Variants in ISLR2 observed in about 807,000 individuals in gnomAD.
The protein encoded by ISLR2 is immunoglobulin superfamily containing leucine-rich repeat protein 2.
Under a neutral mutation model 25.5 loss-of-function variants are expected in ISLR2, and 16 were observed. The ratio of observed to expected loss-of-function variants is 0.63; its 90% confidence interval spans 0.43 to 0.95. The LOEUF is 0.95. Among genes scored for constraint, ISLR2 ranks in the 40% least tolerant of loss-of-function variants. ISLR2 has a pLI of 0.00. For missense variants in ISLR2, 883 were observed against 1,030.7 expected (o/e 0.86, Z 1.96); for synonymous variants, 508 against 486.6 (o/e 1.04, Z -0.58).
rs751295571 is a variant in ISLR2, at chr15:74,132,967, C to T, written c.213C>T (p.Phe71=). ...TCACTGTGCTGCGGCGCGGGGCCTT[C>T]GCCGACGTCACACAGGTCACGTCGC... is the stretch of plus-strand genomic sequence containing the variant. ...NKITVLRRGA[F]ADVTQVTSLW... Residue 71 remains phenylalanine, a synonymous_variant, in exon 3 of 3, where the codon TTC becomes TTT. Coordinates refer to ENST00000453268, the MANE Select transcript of ISLR2 (RefSeq NM_020851.3). The surrounding 1 kb of genome is among the most constrained non-coding windows in gnomAD (Gnocchi z 4.3). 2 of 1,614,008 alleles carry T rather than the reference C, an allele frequency of 1.2e-6. No homozygotes were observed. The highest frequency in any genetic ancestry group is 1.1e-5 in the South Asian group (1 of 91,086).
At chr15:74,122,244 C>T (rs2072258669) in intron 2 of ISLR2, among the ~76,000 whole-genome samples, 1 of 152,240 alleles carries the variant, frequency 6.6e-6, no homozygotes, top group Admixed American at 6.5e-5. Flanking sequence ...TAGAGGACCT[C>T]CAGGCCCCAA....
At chr15:74,125,844 T>C (rs1293737205), upstream of ISLR2, 4 of 152,242 alleles carry the variant, frequency 2.6e-5, no homozygotes, top group Admixed American at 6.5e-5. Flanking sequence ...ATCAACAGTC[T>C]TCTCATAGGC....
chr15:74,118,614 A>T (rs1274887422), intron 2 of ISLR2, among the ~76,000 whole-genome samples: 1 of 151,604 alleles, frequency 6.6e-6, no homozygotes, highest in Non-Finnish European at 1.5e-5. Context: ...CAAAAAGAAA[A>T]ATAAGCAAAT....
chr15:74,124,272 G>A (rs887389109), upstream of ISLR2, among the ~76,000 whole-genome samples: 1 of 151,874 alleles, frequency 6.6e-6, no homozygotes, highest in Non-Finnish European at 1.5e-5. Context: ...CTTGCTTGTA[G>A]TGAGCCTTGG....
chr15:74,128,545 A>T (rs1245795125), upstream of ISLR2: 1 of 456,492 alleles, frequency 2.2e-6, no homozygotes, highest in Non-Finnish European at 4.4e-6. Flanking sequence ...GGTTGCTTAT[A>T]GGACGGGTTC....
Position 74,134,315 on chromosome 15 carries a change from C to G in ISLR2, c.1561C>G (p.Arg521Gly). ...GCCCGGCGGGGCTGGCGGAGCCCCG[C>G]GACCCGGGCGGCGACCCCTGCGCCT... ...PGPGGAGGAP[R>G]PGRRPLRLLY... Residue 521 changes from arginine to glycine, a missense_variant, in exon 3 of 3, where the codon CGA (arginine) becomes GGA (glycine). Transcript: ENST00000453268. 1 of 1,529,748 alleles carries G rather than the reference C, an allele frequency of 6.5e-7. No homozygotes were observed. Among genetic ancestry groups the G allele is most frequent in the South Asian group, 1.2e-5 (1 of 81,572 alleles). 94.8% of individuals were successfully genotyped at this position (1,529,748 alleles called of 1,614,324 possible). A position where few individuals can be genotyped will look rare whatever the true frequency, so the allele number is the denominator to read the frequency against.
chr15:74,116,326 G>A (rs1485474164), intron 2 of ISLR2, among the ~76,000 whole-genome samples: 1 of 151,846 alleles, frequency 6.6e-6, no homozygotes, highest in African/African-American at 2.4e-5. Flanking sequence ...CACTTTGGGA[G>A]GCCAAGGCAG....
chr15:74,121,819 C>G (rs2072254240), intron 2 of ISLR2, among the ~76,000 whole-genome samples: 1 of 152,210 alleles, frequency 6.6e-6, no homozygotes, highest in South Asian at 2.1e-4. Context: ...TCTCCTCCCT[C>G]CAGATCTCTG....
intron 2 of ISLR2, among the ~76,000 whole-genome samples, chr15:74,115,925 C>T (rs145707392): frequency 2.7e-5 from 4 of 149,392 alleles, no homozygotes; most frequent in Admixed American, 1.3e-4. Context: ...AGGCTGGGTG[C>T]GGTGGCTCAC....
rs2072559833 is a variant in ISLR2 at position 74,136,037 on chromosome 15, C to G, written c.*1045C>G. Reference sequence around the variant, plus strand: ...GACATTTCGGGTCTGGTGCTAACACCCCCTTCCCAGCCTCTGGGAAAATCG... The same window carrying G: ...GACATTTCGGGTCTGGTGCTAACACGCCCTTCCCAGCCTCTGGGAAAATCG... On this transcript the variant is annotated 3_prime_UTR_variant, in exon 3 of 3. Transcript: ENST00000453268. 1 of 167,056 alleles carries G rather than the reference C, an allele frequency of 6.0e-6. No homozygotes were observed. The allele number at this position is 167,056 out of a possible 1,614,324, so 10.3% of individuals were successfully genotyped here.
rs753811529 is a variant in ISLR2, at chr15:74,133,195, C to T, written c.441C>T (p.Pro147=). Residue 147 remains proline, a synonymous_variant, in exon 3 of 3, where the codon CCC becomes CCT. Transcript: ENST00000453268. ...SLPRDALGAL[P]DLRSLRINNN... ...CCCGGGACGCACTCGGTGCGCTACC[C>T]GACCTGCGTTCCCTGCGCATCAACA... 17 of 1,613,082 alleles carry T rather than the reference C, an allele frequency of 1.1e-5. No homozygotes were observed. Among genetic ancestry groups the T allele is most frequent in the Non-Finnish European group, 1.1e-5 (13 of 1,180,014 alleles).
chr15:74,133,640 G>C lies in ISLR2; in HGVS notation c.886G>C (p.Gly296Arg). ...TCTGAGCGGGGAGGACGACGGGGTT[G>C]GGGCGGAGGAAGGAGAGGGAGAAGG... is the stretch of plus-strand genomic sequence containing the variant. Reference protein sequence around the residue: ...PVLSGEDDGVGAEEGEGEGDG... With the variant: ...PVLSGEDDGVRAEEGEGEGDG... The change falls in exon 3 of 3, where the codon GGG (glycine) becomes CGG (arginine). Residue 296 changes from glycine to arginine, a missense_variant. This residue lies in a region of ISLR2 where 612 missense variants were observed against 642.8 expected (regional missense o/e 0.95). Transcript: ENST00000453268. The C allele has an allele frequency of 6.2e-7, 1 of 1,613,230 alleles. No individual in the cohort carries two copies. The highest frequency in any genetic ancestry group is 8.5e-7 in the Non-Finnish European group (1 of 1,179,686).
At chr15:74,108,486 A>G (rs1402806789) in intron 2 of ISLR2, among the ~76,000 whole-genome samples, 1 of 151,634 alleles carries the variant, frequency 6.6e-6, no homozygotes, top group Non-Finnish European at 1.5e-5. Context: ...CAGACCCCCC[A>G]AAGCCCCATG....
At chr15:74,117,277 A>G (rs1323125621) in intron 2 of ISLR2, among the ~76,000 whole-genome samples, 1 of 152,184 alleles carries the variant, frequency 6.6e-6, no homozygotes, top group East Asian at 1.9e-4. Context: ...AGCCTCCCCT[A>G]CAATCCATGA....
At chr15:74,130,322 G>A (rs987304066), upstream of ISLR2, 1 of 152,110 alleles carries the variant, frequency 6.6e-6, no homozygotes, top group Non-Finnish European at 1.5e-5. Context: ...TATGCATCAT[G>A]TTGAACGTGG....
At position 74,132,695 on chromosome 15, in the gene ISLR2, C is replaced by G; in HGVS notation, c.-8-52C>G. On this transcript the variant is annotated intron_variant, in intron 2 of 2. Coordinates refer to ENST00000453268, the MANE Select transcript of ISLR2 (RefSeq NM_020851.3). The surrounding 1 kb of genome is among the most constrained non-coding windows in gnomAD (Gnocchi z 4.3). Reference sequence around the variant, plus strand: ...GGCACAGCTTGATAGGGGAGGTAAGCTGGGGTTCAGTGAGTCACCTTCTTT... The same window carrying G: ...GGCACAGCTTGATAGGGGAGGTAAGGTGGGGTTCAGTGAGTCACCTTCTTT... The G allele has an allele frequency of 1.9e-6, 3 of 1,563,040 alleles. No homozygotes were observed. Among genetic ancestry groups the G allele is most frequent in the Non-Finnish European group, 2.6e-6 (3 of 1,153,012 alleles).
intron 1 of ISLR2, 89 bp from the exon 2 acceptor site, chr15:74,131,118 A>T (rs559219865): frequency 1.3e-5 from 2 of 152,820 alleles, no homozygotes; most frequent in Admixed American, 1.3e-4. Context: ...CGGACGCAAA[A>T]GGAAAAATTG....
rs1406170632 is a variant in ISLR2, at chr15:74,136,550, G to T, written c.*1558G>T. 3.1e-5 allele frequency: 5 copies of T among 159,700 alleles called. No individual in the cohort carries two copies. Among genetic ancestry groups the T allele is most frequent in the Non-Finnish European group, 4.4e-5 (3 of 67,802 alleles). 9.9% of individuals were successfully genotyped at this position (159,700 alleles called of 1,614,324 possible). A position where few individuals can be genotyped will look rare whatever the true frequency, so the allele number is the denominator to read the frequency against. On this transcript the variant is annotated 3_prime_UTR_variant, in exon 3 of 3. Coordinates refer to ENST00000453268, the MANE Select transcript of ISLR2 (RefSeq NM_020851.3). ...CTGTGAAGTGTGACCGTGTAGTGTA[G>T]GGGGGCGGGCGGGGGGGCGGATGGG...
chr15:74,120,507 G>A (rs1321450839), intron 2 of ISLR2, among the ~76,000 whole-genome samples: 2 of 141,788 alleles, frequency 1.4e-5, no homozygotes, highest in Non-Finnish European at 3.0e-5. Context: ...GGGCAATAGA[G>A]AGAGACTCCA....
Sources: allele counts gnomAD v4.1 joint callset (sites outside exome capture counted in the v4.1 genomes callset), GRCh38; gene constraint gnomAD v4.1.1; regional missense constraint gnomAD v4.1.1; non-coding constraint Gnocchi (gnomAD v3.1); transcripts MANE v1.5; gene names NCBI Gene and HGNC (gene_info 2026-07-23, HGNC 2026-07-21).